The following DNAJC10 variants were observed in gnomAD, a reference collection of about 807,000 sequenced individuals.
DNAJC10 encodes endoplasmic reticulum disulfide reductase DNAJC10.
DNAJC10 carries 101 observed loss-of-function variants against 115.0 expected under a neutral mutation model. That is an observed-to-expected ratio of 0.88 (90% CI 0.75 to 1.04). The LOEUF is 1.04. Among genes scored for constraint, DNAJC10 ranks in the 50% least tolerant of loss-of-function variants. The probability of loss-of-function intolerance (pLI) is 0.00; values close to 1 mark genes in which losing one functional copy is unlikely to be tolerated. For missense variants in DNAJC10, 981 were observed against 928.8 expected (o/e 1.06, Z -0.73); for synonymous variants, 307 against 301.5 (o/e 1.02, Z -0.19).
At chr2:182,770,509 T>C (rs539338712) in intron 22 of DNAJC10, among the ~76,000 whole-genome samples, 1 of 152,272 alleles carries the variant, frequency 6.6e-6, no homozygotes, top group East Asian at 1.9e-4. Context: ...GGTTTGTAGT[T>C]CTCCTTGAAG....
At position 182,759,147 on chromosome 2, in the gene DNAJC10, T is replaced by C; in HGVS notation, c.1998-13T>C. 6.4e-7 allele frequency: 1 copy of C among 1,565,008 alleles called. No homozygotes were observed. Among genetic ancestry groups the C allele is most frequent in the South Asian group, 1.2e-5 (1 of 84,302 alleles). On this transcript the variant is annotated splice_polypyrimidine_tract_variant and intron_variant, in intron 20 of 23. Coordinates refer to ENST00000264065, the MANE Select transcript of DNAJC10 (RefSeq NM_018981.4). ...TTTATATAATGAAAAATGATTTTGA[T>C]CATTTGCCACAGATTTTTACCTCAA...
intron 11 of DNAJC10, among the ~76,000 whole-genome samples, chr2:182,739,198 TTA>T (rs1326123613): frequency 1.4e-5 from 2 of 143,478 alleles, no homozygotes; most frequent in African/African-American, 5.1e-5. Flanking sequence ...TCATATATAT[TTA>T]TATATATTTA....
intron 16 of DNAJC10, among the ~76,000 whole-genome samples, chr2:182,754,014 T>G (rs1694094696): frequency 6.6e-6 from 1 of 152,212 alleles, no homozygotes; most frequent in South Asian, 2.1e-4. Context: ...TAGTTGCCAC[T>G]CACCAATTGG....
intron 11 of DNAJC10, among the ~76,000 whole-genome samples, chr2:182,736,946 C>G (rs948637322): frequency 6.6e-6 from 1 of 152,244 alleles, no homozygotes; most frequent in African/African-American, 2.4e-5. Context: ...GACGGGGTTT[C>G]GCCATGTTGG....
chr2:182,751,480 A>G (rs1429903907), intron 14 of DNAJC10, among the ~76,000 whole-genome samples, 178 bp from the exon 15 acceptor site: 1 of 152,130 alleles, frequency 6.6e-6, no homozygotes, highest in African/African-American at 2.4e-5. Context: ...AGTGTGCAAG[A>G]AAAGGGTGCT....
chr2:182,732,822 C>T (rs1268264956), intron 10 of DNAJC10: 3 of 430,728 alleles, frequency 7.0e-6, no homozygotes, highest in East Asian at 8.9e-5. Context: ...GTGTTTTTGT[C>T]ATTTCCCAAC....
chr2:182,738,219 T>C (rs1349031510), intron 11 of DNAJC10, among the ~76,000 whole-genome samples: 3 of 152,214 alleles, frequency 2.0e-5, no homozygotes, highest in Non-Finnish European at 4.4e-5. Context: ...CAATCTTGTA[T>C]CTTTATCCTT....
At chr2:182,749,305 G>T (rs1218105059) in intron 14 of DNAJC10, among the ~76,000 whole-genome samples, 2 of 138,138 alleles carry the variant, frequency 1.4e-5, no homozygotes, top group African/African-American at 5.6e-5. Context: ...CTCTTTGTAG[G>T]TCACTCAGGA....
chr2:182,743,598 G>A lies in DNAJC10; in HGVS notation c.1192G>A (p.Val398Ile), dbSNP rs201689661. The A allele has an allele frequency of 3.7e-6, 6 of 1,607,028 alleles. No homozygotes were observed. Among genetic ancestry groups the A allele is most frequent in the Non-Finnish European group, 5.1e-6 (6 of 1,174,832 alleles). ...KTLLKNDHIQ[V>I]GRFDCSSAPD... ...CAAATTTGACCTTTTTCTCCTTTAG[G>A]TTGGCAGGTTTGACTGTTCCTCTGC... is the stretch of plus-strand genomic sequence containing the variant. Residue 398 changes from valine to isoleucine, a missense_variant and splice_region_variant, in exon 14 of 24, where the codon GTT (valine) becomes ATT (isoleucine). Transcript: ENST00000264065.
chr2:182,754,739 C>T, intron 16 of DNAJC10: 1 of 1,159,140 alleles, frequency 8.6e-7, no homozygotes, highest in Non-Finnish European at 1.1e-6. Context: ...ATTACCCATG[C>T]CGATTTCTCA....
intron 13 of DNAJC10, among the ~76,000 whole-genome samples, chr2:182,742,716 A>G (rs1032610110): frequency 3.9e-5 from 6 of 152,262 alleles, no homozygotes; most frequent in Admixed American, 2.0e-4. Context: ...ATTGCTTTCA[A>G]CTGGTCGGGG....
At chr2:182,756,272 T>C in intron 17 of DNAJC10, 42 bp from the exon 18 acceptor site, 1 of 1,509,268 alleles carries the variant, frequency 6.6e-7, no homozygotes, top group Non-Finnish European at 9.0e-7. Flanking sequence ...TGAACAGCTA[T>C]GCTTTATATA....
At position 182,790,046 on chromosome 2, in the gene DNAJC10, C is replaced by CT. The variant is rs1695021596; in HGVS notation, c.*12915dup. ...TCACCTCATCCTGTAAACCCAAAAT[C>CT]TAACTTAAATCCCAAATCCAACTTC... On this transcript the variant is annotated 3_prime_UTR_variant, in exon 24 of 24. Transcript: ENST00000264065. The CT allele has an allele frequency of 6.6e-6, 1 of 152,196 alleles. No individual in the cohort carries two copies. Among genetic ancestry groups the CT allele is most frequent in the Non-Finnish European group, 1.5e-5 (1 of 68,040 alleles). The allele number at this position is 152,196 out of a possible 1,614,324, so 9.4% of individuals were successfully genotyped here.
At chr2:182,726,863 C>G (rs1693297827) in intron 5 of DNAJC10, among the ~76,000 whole-genome samples, 1 of 152,008 alleles carries the variant, frequency 6.6e-6, no homozygotes, top group Non-Finnish European at 1.5e-5. Flanking sequence ...TCCCGACTAG[C>G]TGAGACTGCG....
Position 182,760,561 on chromosome 2 carries a change from T to C in DNAJC10, c.2145+1254T>C, listed in dbSNP as rs182604889. On this transcript the variant is annotated intron_variant, in intron 21 of 23. Transcript: ENST00000264065. ...CAGGGCCTAACTCAGTAAATGCTTA[T>C]ATAAAATTAAACTGAATACATACCC... is the stretch of plus-strand genomic sequence containing the variant. Among the ~76,000 whole-genome samples the C allele has an allele frequency of 1.4e-3, 210 of 152,314 alleles. 3 individuals carry two copies. Among genetic ancestry groups the C allele is most frequent in the Non-Finnish European group, 8.1e-4 (55 of 68,032 alleles).
In DNAJC10 at chr2:182,729,837, A is replaced by G; in HGVS notation, c.634-11A>G. ...AGTAAAAGATGTTTCTCTTCTTACA[A>G]AAACCAATAGGCCCCAGTGAAATAT... On this transcript the variant is annotated splice_polypyrimidine_tract_variant and intron_variant, in intron 7 of 23. Transcript: ENST00000264065. 1.3e-6 allele frequency: 2 copies of G among 1,552,870 alleles called. No individual in the cohort carries two copies. Among genetic ancestry groups the G allele is most frequent in the Non-Finnish European group, 1.7e-6 (2 of 1,153,892 alleles).
chr2:182,779,053 T>G lies in DNAJC10; in HGVS notation c.*1921T>G, dbSNP rs1694780261. 6.6e-6 allele frequency: 1 copy of G among 152,218 alleles called. No homozygotes were observed. The highest frequency in any genetic ancestry group is 6.5e-5 in the Admixed American group (1 of 15,278). The allele number at this position is 152,218 out of a possible 1,614,324, so 9.4% of individuals were successfully genotyped here. ...TACCTATAAATGTTTCCTGTACTTGTTAGTTGTTGAGAAACATTTTAGGCA... is the reference window on the plus strand; with the variant it reads ...TACCTATAAATGTTTCCTGTACTTGGTAGTTGTTGAGAAACATTTTAGGCA... On this transcript the variant is annotated 3_prime_UTR_variant, in exon 24 of 24. Transcript: ENST00000264065.
intron 17 of DNAJC10, among the ~76,000 whole-genome samples, chr2:182,755,873 C>G (rs1039187969): frequency 6.6e-6 from 1 of 152,144 alleles, no homozygotes; most frequent in African/African-American, 2.4e-5. Context: ...AAAGTTGCCT[C>G]TTTGCCTGTT....
chr2:182,743,343 G>A (rs921401192), intron 13 of DNAJC10, among the ~76,000 whole-genome samples: 4 of 151,914 alleles, frequency 2.6e-5, no homozygotes, highest in African/African-American at 9.7e-5. Context: ...CAAAAAGTAG[G>A]TTTCTGGAAT....
Sources: allele counts gnomAD v4.1 joint callset (sites outside exome capture counted in the v4.1 genomes callset), GRCh38; gene constraint gnomAD v4.1.1; transcripts MANE v1.5; gene names NCBI Gene and HGNC (gene_info 2026-07-23, HGNC 2026-07-21).